Variants in CRYL1 observed in about 807,000 individuals in gnomAD.
CRYL1 encodes the protein crystallin lambda 1, also known as lambda-crystallin homolog.
CRYL1 carries 29 observed loss-of-function variants against 36.6 expected under a neutral mutation model. The ratio of observed to expected loss-of-function variants is 0.79; its 90% CI spans 0.59 to 1.08. The LOEUF is 1.08. Ranked by LOEUF, CRYL1 falls within the 50% of genes least tolerant of loss-of-function variation. CRYL1 has a pLI of 0.00. For missense variants in CRYL1, 411 were observed against 407.9 expected (o/e 1.01, Z -0.06); for synonymous variants, 152 against 151.5 (o/e 1.00, Z -0.02).
intron 3 of CRYL1, among the ~76,000 whole-genome samples, chr13:20,456,847 G>A: frequency 7.6e-6 from 1 of 131,586 alleles, no homozygotes; most frequent in East Asian, 2.2e-4. Flanking sequence ...AAGAAACTCT[G>A]AACAGCAGAG....
chr13:20,518,527 C>T lies in CRYL1; in HGVS notation c.42-5977G>A, dbSNP rs1259351434. ...TCAAAGGGAAGGAGAGAACGGTGAGCTCATTGCATGGCACCTCAGAAGCAA... is the reference window on the plus strand; with the variant it reads ...TCAAAGGGAAGGAGAGAACGGTGAGTTCATTGCATGGCACCTCAGAAGCAA... On this transcript the variant is annotated intron_variant, in intron 1 of 7. Coordinates refer to ENST00000298248, the MANE Select transcript of CRYL1 (RefSeq NM_015974.3). Among the ~76,000 whole-genome samples, 5 of 152,084 alleles carry T rather than the reference C, an allele frequency of 3.3e-5. No individual in the cohort carries two copies. The East Asian group carries it at 9.6e-4, about 29-fold the overall frequency.
Position 20,413,406 on chromosome 13 carries a change from C to T in CRYL1, c.634-19G>A, listed in dbSNP as rs78984065. ...TTCCTTCCTACGTGGAGAAATTGGG[C>T]GGCATAGATGAGTTTTGTAAAAAGA... On this transcript the variant is annotated intron_variant, in intron 5 of 7. Coordinates refer to ENST00000298248, the MANE Select transcript of CRYL1 (RefSeq NM_015974.3). 7.4e-3 allele frequency: 11,207 copies of T among 1,521,360 alleles called. 55 individuals are homozygous for T. Among genetic ancestry groups the T allele is most frequent in the Non-Finnish European group, 9.5e-3 (10,419 of 1,099,460 alleles). The allele number at this position is 1,521,360 out of a possible 1,614,324, so 94.2% of individuals were successfully genotyped here.
At chr13:20,505,215 G>A (rs146745706) in intron 2 of CRYL1, among the ~76,000 whole-genome samples, 1,870 of 152,136 alleles carry the variant, frequency 0.012, 30 homozygotes, top group South Asian at 0.067. Context: ...AAATCAGCCA[G>A]ACGTGGTGGC....
chr13:20,486,843 G>T (rs2033409661), intron 3 of CRYL1, among the ~76,000 whole-genome samples: 1 of 152,068 alleles, frequency 6.6e-6, no homozygotes, highest in Non-Finnish European at 1.5e-5. Flanking sequence ...TACCAAAATT[G>T]TTATAAATGG....
intron 4 of CRYL1, among the ~76,000 whole-genome samples, chr13:20,434,211 T>G (rs1231365694): frequency 2.0e-5 from 3 of 152,096 alleles, no homozygotes; most frequent in African/African-American, 7.2e-5. Context: ...CATTGAGAGG[T>G]GAGGCCAGCT....
chr13:20,507,675 T>C (rs1307756709), intron 2 of CRYL1, among the ~76,000 whole-genome samples: 1 of 152,128 alleles, frequency 6.6e-6, no homozygotes, highest in Admixed American at 6.6e-5. Context: ...TCCCAGCACT[T>C]TGGGAGGCCA....
intron 3 of CRYL1, among the ~76,000 whole-genome samples, chr13:20,457,035 C>G (rs374102526): frequency 6.6e-6 from 1 of 152,144 alleles, no homozygotes; most frequent in African/African-American, 2.4e-5. Context: ...CACTGGCAGC[C>G]CAGCTCAAGG....
intron 6 of CRYL1, 84 bp from the exon 7 acceptor site, chr13:20,404,825 G>A: frequency 1.1e-6 from 1 of 932,818 alleles, no homozygotes; most frequent in Non-Finnish European, 1.7e-6. Flanking sequence ...CATTCAGAGA[G>A]TTTCACCCTG....
chr13:20,491,120 T>G (rs1166346633), intron 2 of CRYL1, among the ~76,000 whole-genome samples: 1 of 152,134 alleles, frequency 6.6e-6, no homozygotes, highest in East Asian at 1.9e-4. Context: ...TTGCCCAGGT[T>G]GATCTCTAAC....
At chr13:20,505,990 T>C (rs1565986983) in intron 2 of CRYL1, among the ~76,000 whole-genome samples, 2 of 152,024 alleles carry the variant, frequency 1.3e-5, no homozygotes, top group Non-Finnish European at 2.9e-5. Flanking sequence ...AAAACAAAGT[T>C]TGGTTTCAGT....
chr13:20,470,276 C>T (rs2033026641), intron 3 of CRYL1, among the ~76,000 whole-genome samples: 1 of 152,208 alleles, frequency 6.6e-6, no homozygotes, highest in Non-Finnish European at 1.5e-5. Context: ...TCAAGCACAG[C>T]CTCAAGCACT....
In CRYL1 at chr13:20,505,359, C is replaced by CAAAAAAAAAAAAAA. The variant is rs61380702; in HGVS notation, c.149+7070_149+7083dup. Among the ~76,000 whole-genome samples, 119 of 91,212 alleles carry CAAAAAAAAAAAAAA rather than the reference C, an allele frequency of 1.3e-3. 3 individuals carry two copies. Among genetic ancestry groups the CAAAAAAAAAAAAAA allele is most frequent in the East Asian group, 2.2e-3 (6 of 2,682 alleles). 59.8% of individuals were successfully genotyped at this position (91,212 alleles called of 152,430 possible). A position where few individuals can be genotyped will look rare whatever the true frequency, so the allele number is the denominator to read the frequency against. On this transcript the variant is annotated intron_variant, in intron 2 of 7. Transcript: ENST00000298248. ...GCAACAAAGTGAGACTCTATCCCAC[C>CAAAAAAAAAAAAAA]AAAAAAAAAAAAAAAAAAAAAAATC... is the stretch of plus-strand genomic sequence containing the variant.
intron 4 of CRYL1, among the ~76,000 whole-genome samples, 162 bp from the exon 5 acceptor site, chr13:20,432,458 G>A (rs1429379005): frequency 2.6e-5 from 4 of 151,942 alleles, no homozygotes; most frequent in Non-Finnish European, 4.4e-5. Flanking sequence ...TATTCACAAA[G>A]GAGAGAGAAA....
rs111646580 is a variant in CRYL1, at chr13:20,484,327, G to A, written c.276+5043C>T. On this transcript the variant is annotated intron_variant, in intron 3 of 7. Transcript: ENST00000298248. The stretch of plus-strand genomic sequence containing the variant: ...GGTTGCCAGCAGATGAGTGGTTGCA[G>A]CCCGGCAGAGGCTGCGGACTTTGGG... 9.7e-4 allele frequency among the ~76,000 whole-genome samples: 148 copies of A among 152,282 alleles called. 1 individual carries two copies. Among genetic ancestry groups the A allele is most frequent in the African/African-American group, 3.4e-3 (142 of 41,562 alleles).
intron 1 of CRYL1, among the ~76,000 whole-genome samples, chr13:20,524,774 G>C (rs2034159012): frequency 6.6e-6 from 1 of 152,078 alleles, no homozygotes; most frequent in African/African-American, 2.4e-5. Context: ...CTGGAGAAAA[G>C]AAAGCTGACA....
chr13:20,504,611 C>G (rs773229885), intron 2 of CRYL1, among the ~76,000 whole-genome samples: 4 of 152,186 alleles, frequency 2.6e-5, no homozygotes, highest in Non-Finnish European at 5.9e-5. Context: ...GCTTCATCCT[C>G]TAAACTTCTT....
intron 4 of CRYL1, among the ~76,000 whole-genome samples, chr13:20,434,355 C>T (rs2137394286): frequency 6.6e-6 from 1 of 152,184 alleles, no homozygotes; most frequent in East Asian, 1.9e-4. Flanking sequence ...GTAAAACGCA[C>T]CAATCAGTGC....
chr13:20,476,354 C>CAA (rs34453641), intron 3 of CRYL1, among the ~76,000 whole-genome samples: 136 of 98,610 alleles, frequency 1.4e-3, no homozygotes, highest in African/African-American at 4.0e-3. Context: ...AACTCCATCT[C>CAA]AAAAAAAAAA....
At chr13:20,474,791 G>A (rs2137451572) in intron 3 of CRYL1, among the ~76,000 whole-genome samples, 1 of 152,200 alleles carries the variant, frequency 6.6e-6, no homozygotes, top group South Asian at 2.1e-4. Flanking sequence ...GTTTGCTGGA[G>A]AAACCGTCAC....
Sources: gnomAD v4.1 joint callset for allele counts (sites outside exome capture counted in the v4.1 genomes callset) on GRCh38, gnomAD v4.1.1 for gene constraint, MANE v1.5 for transcripts, NCBI Gene and HGNC (gene_info 2026-07-23, HGNC 2026-07-21) for gene names.